ABCA13: variants seen among roughly 807,000 people sequenced by gnomAD.
ABCA13 encodes the protein ATP-binding cassette sub-family A member 13.
ABCA13 carries 476 observed loss-of-function variants against 478.7 expected under a neutral mutation model. That is an observed-to-expected ratio of 0.99 (90% confidence interval 0.92 to 1.07). The LOEUF is 1.07. Among genes scored for constraint, ABCA13 ranks in the 50% least tolerant of loss-of-function variants. The probability of loss-of-function intolerance (pLI) is 0.00; values close to 1 mark genes in which losing one functional copy is unlikely to be tolerated. For synonymous variants in ABCA13, 2,252 were observed against 2,158.9 expected (o/e 1.04, Z -1.20); for missense variants, 6,060 against 5,910.6 (o/e 1.03, Z -0.83).
intron 42 of ABCA13, among the ~76,000 whole-genome samples, chr7:48,441,473 A>T (rs1403390034): frequency 6.6e-6 from 1 of 152,166 alleles, no homozygotes; most frequent in Non-Finnish European, 1.5e-5. Context: ...CTCTGAAATA[A>T]CTCACTCCTT....
Position 48,473,408 on chromosome 7 carries a change from C to G in ABCA13, c.12975+1809C>G, listed in dbSNP as rs558903156. Among the ~76,000 whole-genome samples, 10 of 152,278 alleles carry G rather than the reference C, an allele frequency of 6.6e-5. No homozygotes were observed. In the East Asian group the frequency reaches 1.2e-3, roughly 18 times the overall value. ...TGAAACTTGCTGACTACACAGGAGG[C>G]CCCTTTCTGTGAGGGAATTCATCTC... On this transcript the variant is annotated intron_variant, in intron 45 of 61. Transcript: ENST00000435803.
At position 48,274,194 on chromosome 7, in the gene ABCA13, G is replaced by C. The variant is rs373401108; in HGVS notation, c.4528G>C (p.Asp1510His). 3.7e-6 allele frequency: 6 copies of C among 1,612,420 alleles called. No individual in the cohort carries two copies. Among genetic ancestry groups the C allele is most frequent in the Non-Finnish European group, 5.1e-6 (6 of 1,179,032 alleles). Residue 1510 changes from aspartate to histidine, a missense_variant, in exon 17 of 62, where the codon GAC (aspartate) becomes CAC (histidine). Asp to His is a moderately conservative substitution (Grantham distance 81). This residue lies in a region of ABCA13 where 4,423 missense variants were observed against 4,309.1 expected (regional missense o/e 1.03). Transcript: ENST00000435803. Reference protein sequence around the residue: ...VRMSINNLTTDFDFASQSNWR... With the variant: ...VRMSINNLTTHFDFASQSNWR... The stretch of plus-strand genomic sequence containing the variant: ...GATGAGTATCAACAACTTAACAACA[G>C]ACTTTGATTTTGCATCTCAGTCCAA...
intron 41 of ABCA13, among the ~76,000 whole-genome samples, chr7:48,426,501 G>A (rs1333966548): frequency 6.6e-6 from 1 of 152,134 alleles, no homozygotes; most frequent in Non-Finnish European, 1.5e-5. Context: ...TCAGAAGTGA[G>A]GCAGGGTGCT....
intron 59 of ABCA13, among the ~76,000 whole-genome samples, chr7:48,629,044 G>T (rs1485023909): frequency 2.0e-5 from 3 of 152,186 alleles, no homozygotes; most frequent in South Asian, 4.1e-4. Context: ...AAAACAGTCT[G>T]CATTATTCAT....
chr7:48,412,663 G>T (rs573624170), intron 41 of ABCA13, 80 bp downstream of exon 41: 2 of 1,175,692 alleles, frequency 1.7e-6, no homozygotes, highest in Non-Finnish European at 2.3e-6. Flanking sequence ...TGTGGGTAAA[G>T]GGGGGGAGAT....
chr7:48,369,739 C>A (rs546523805), intron 32 of ABCA13, among the ~76,000 whole-genome samples: 1 of 152,186 alleles, frequency 6.6e-6, no homozygotes, highest in Admixed American at 6.5e-5. Flanking sequence ...TTATTCTGTT[C>A]GATTGGTCTA....
rs769349786 is a variant in ABCA13 at position 48,269,081 on chromosome 7, G to T, written c.2107G>T (p.Ala703Ser). The change falls in exon 16 of 62, where the codon GCT becomes TCT. Residue 703 changes from alanine to serine, a missense_variant. By Grantham distance (99) the Ala-to-Ser change is moderately conservative. Transcript: ENST00000435803. Reference sequence around the variant, plus strand: ...GAATAACTTACTCAAGTCTCCAACAGCTTCCATATCCAGGTAAGTTATCAG... The same window carrying T: ...GAATAACTTACTCAAGTCTCCAACATCTTCCATATCCAGGTAAGTTATCAG... ...FLNNLLKSPTASISRALNFTK... is the reference protein window; with the variant it reads ...FLNNLLKSPTSSISRALNFTK... 2 of 1,554,358 alleles carry T rather than the reference G, an allele frequency of 1.3e-6. No homozygotes were observed. Among genetic ancestry groups the T allele is most frequent in the African/African-American group, 2.7e-5 (2 of 73,704 alleles).
At chr7:48,528,972 A>G (rs1162564082) in intron 55 of ABCA13, among the ~76,000 whole-genome samples, 1 of 151,934 alleles carries the variant, frequency 6.6e-6, no homozygotes, top group Non-Finnish European at 1.5e-5. Context: ...GCATTCCTTT[A>G]TGTCACTCTT....
chr7:48,597,350 T>G (rs918772731), intron 58 of ABCA13, among the ~76,000 whole-genome samples: 1 of 152,242 alleles, frequency 6.6e-6, no homozygotes, highest in East Asian at 1.9e-4. Flanking sequence ...CCACTTTTAT[T>G]TATCCATTCA....
chr7:48,306,173 T>C (rs1338208443), intron 23 of ABCA13, among the ~76,000 whole-genome samples: 2 of 152,260 alleles, frequency 1.3e-5, no homozygotes, highest in African/African-American at 4.8e-5. Context: ...CTGTGGCTTC[T>C]GTGCATTGTG....
intron 26 of ABCA13, 128 bp from the exon 27 acceptor site, chr7:48,317,029 A>C (rs1195349020): frequency 3.5e-6 from 4 of 1,144,802 alleles, no homozygotes; most frequent in Non-Finnish European, 4.8e-6. Context: ...CCCAAAGTTC[A>C]GAGTGGTGTC....
intron 3 of ABCA13, 70 bp from the exon 4 acceptor site, chr7:48,219,284 A>T (rs1443881293): frequency 1.3e-6 from 2 of 1,501,450 alleles, no homozygotes; most frequent in Non-Finnish European, 1.8e-6. Flanking sequence ...GGTATCAAGA[A>T]TCTTAAAAAA....
chr7:48,560,348 C>T (rs753809573), intron 55 of ABCA13, among the ~76,000 whole-genome samples: 5 of 152,140 alleles, frequency 3.3e-5, no homozygotes, highest in Non-Finnish European at 5.9e-5. Context: ...CTCTTCCTCC[C>T]CCAAGTGCAC....
intron 31 of ABCA13, among the ~76,000 whole-genome samples, chr7:48,357,514 T>C (rs535224372): frequency 1.3e-5 from 2 of 152,012 alleles, no homozygotes; most frequent in African/African-American, 2.4e-5. Context: ...TACAAACTTA[T>C]CTCCTTGCTG....
intron 27 of ABCA13, among the ~76,000 whole-genome samples, chr7:48,330,014 C>T (rs942190074): frequency 2.0e-5 from 3 of 149,990 alleles, no homozygotes; most frequent in African/African-American, 7.4e-5. Flanking sequence ...TTTATCTATT[C>T]ATCCATTGAT....
chr7:48,294,356 C>G (rs1799028003), intron 20 of ABCA13, among the ~76,000 whole-genome samples: 1 of 151,686 alleles, frequency 6.6e-6, no homozygotes, highest in Non-Finnish European at 1.5e-5. Flanking sequence ...CTTTATACCC[C>G]TTGACCAACA....
At chr7:48,468,478 G>A (rs1337771941) in intron 44 of ABCA13, among the ~76,000 whole-genome samples, 1 of 151,828 alleles carries the variant, frequency 6.6e-6, no homozygotes, top group East Asian at 1.9e-4. Context: ...TATTTTTGTG[G>A]TCAGCATAAC....
At chr7:48,199,407 C>T (rs906063993) in intron 3 of ABCA13, among the ~76,000 whole-genome samples, 17 of 152,172 alleles carry the variant, frequency 1.1e-4, no homozygotes, top group African/African-American at 4.1e-4. Context: ...TTATAAATGA[C>T]ACCTTCCAGC....
intron 45 of ABCA13, among the ~76,000 whole-genome samples, chr7:48,479,564 A>G (rs1450801260): frequency 6.6e-6 from 1 of 152,144 alleles, no homozygotes. Context: ...GGTACAATAC[A>G]TTGTCACTAA....
Sources: gnomAD v4.1 joint callset for allele counts (sites outside exome capture counted in the v4.1 genomes callset) on GRCh38, gnomAD v4.1.1 for gene constraint, gnomAD v4.1.1 regional missense constraint, MANE v1.5 for transcripts, NCBI Gene and HGNC (gene_info 2026-07-23, HGNC 2026-07-21) for gene names.